CPA6: variants seen among roughly 807,000 people sequenced by gnomAD.
The protein encoded by CPA6 is carboxypeptidase B.
A neutral mutation model predicts 63.3 loss-of-function variants in CPA6; 58 were observed. The ratio of observed to expected loss-of-function variants is 0.92; its 90% CI spans 0.74 to 1.14. The LOEUF is 1.14. Among genes scored for constraint, CPA6 ranks in the 50% most tolerant of loss-of-function variants. CPA6 has a pLI of 0.00. For synonymous variants in CPA6, 185 were observed against 179.0 expected, an observed-to-expected ratio of 1.03 and a Z score of -0.27; for missense variants, 565 against 526.6, an observed-to-expected ratio of 1.07 and a Z score of -0.71.
intron 1 of CPA6, among the ~76,000 whole-genome samples, chr8:67,634,816 T>C (rs1815430901): frequency 1.3e-5 from 2 of 151,626 alleles, no homozygotes; most frequent in South Asian, 2.1e-4. Flanking sequence ...CTGTGAGATA[T>C]CGTCTGGGAA....
rs571893992 is a variant in CPA6, at chr8:67,606,661, C to T, written c.192+17515G>A. Among the ~76,000 whole-genome samples, 4 of 152,292 alleles carry T rather than the reference C, an allele frequency of 2.6e-5. No homozygotes were observed. In the South Asian group the frequency reaches 8.3e-4, roughly 32 times the overall value. On this transcript the variant is annotated intron_variant, in intron 2 of 10. Coordinates refer to ENST00000297770, the MANE Select transcript of CPA6 (RefSeq NM_020361.5). Reference sequence around the variant, plus strand: ...CAGGTCATGATGACACCTGTCTCTGCGGGCATGACAAAGACTCCCTGCTTT... The same window carrying T: ...CAGGTCATGATGACACCTGTCTCTGTGGGCATGACAAAGACTCCCTGCTTT...
intron 8 of CPA6, among the ~76,000 whole-genome samples, chr8:67,470,680 T>G (rs2128958912): frequency 6.6e-6 from 1 of 152,314 alleles, no homozygotes; most frequent in East Asian, 1.9e-4. Flanking sequence ...AACCATTCTC[T>G]GCTGTATTTG....
At chr8:67,546,869 A>C (rs1812828105) in intron 2 of CPA6, among the ~76,000 whole-genome samples, 3 of 151,916 alleles carry the variant, frequency 2.0e-5, no homozygotes, top group Admixed American at 2.0e-4. Context: ...TCTGTTGCCC[A>C]GGCTAGAGTG....
chr8:67,664,099 T>C (rs1280018357), intron 1 of CPA6, among the ~76,000 whole-genome samples: 6 of 152,228 alleles, frequency 3.9e-5, no homozygotes, highest in African/African-American at 1.4e-4. Context: ...TTAAAGTTTA[T>C]AGACATTCAT....
chr8:67,587,599 G>C (rs1013928942), intron 2 of CPA6, among the ~76,000 whole-genome samples: 2 of 152,082 alleles, frequency 1.3e-5, no homozygotes, highest in Non-Finnish European at 2.9e-5. Context: ...GTGTTGGTCA[G>C]CAGGCCCAGG....
At chr8:67,622,488 G>A (rs1456653773) in intron 2 of CPA6, among the ~76,000 whole-genome samples, 1 of 152,132 alleles carries the variant, frequency 6.6e-6, no homozygotes, top group Non-Finnish European at 1.5e-5. Context: ...TTTGGGGATG[G>A]GTTCTTGCAT....
chr8:67,503,468 A>ATTT (rs869172205), intron 6 of CPA6, among the ~76,000 whole-genome samples: 109 of 126,032 alleles, frequency 8.6e-4, no homozygotes, highest in African/African-American at 3.0e-3. Flanking sequence ...AGCTAATTAA[A>ATTT]TTTTTTTTTT....
At chr8:67,660,597 C>T (rs1816087715) in intron 1 of CPA6, among the ~76,000 whole-genome samples, 1 of 148,986 alleles carries the variant, frequency 6.7e-6, no homozygotes, top group Non-Finnish European at 1.5e-5. Context: ...CCTTAGGCTC[C>T]CACAAGGCTA....
chr8:67,628,264 A>G (rs1815238970), intron 1 of CPA6, among the ~76,000 whole-genome samples: 1 of 151,952 alleles, frequency 6.6e-6, no homozygotes, highest in Non-Finnish European at 1.5e-5. Context: ...CACCTCCCAT[A>G]TTGATTGCCA....
intron 6 of CPA6, among the ~76,000 whole-genome samples, chr8:67,496,239 T>C (rs1308246238): frequency 6.6e-6 from 1 of 152,010 alleles, no homozygotes; most frequent in East Asian, 1.9e-4. Context: ...TAAATATTCC[T>C]CCTCAAATAG....
At chr8:67,472,919 A>C (rs1811095252) in intron 8 of CPA6, among the ~76,000 whole-genome samples, 1 of 152,226 alleles carries the variant, frequency 6.6e-6, no homozygotes, top group African/African-American at 2.4e-5. Context: ...ATACACACAA[A>C]ATGAGTCTCA....
intron 1 of CPA6, among the ~76,000 whole-genome samples, chr8:67,661,855 A>C (rs1415282791): frequency 6.6e-6 from 1 of 152,152 alleles, no homozygotes; most frequent in Non-Finnish European, 1.5e-5. Flanking sequence ...AAGTGGAATC[A>C]TATAATCTTT....
chr8:67,592,789 G>T (rs1316893514), intron 2 of CPA6, among the ~76,000 whole-genome samples: 3 of 151,868 alleles, frequency 2.0e-5, no homozygotes, highest in Non-Finnish European at 2.9e-5. Flanking sequence ...TTCTTTATTA[G>T]TCTTGCTAGT....
intron 1 of CPA6, chr8:67,735,090 A>G (rs894677577): frequency 1.3e-5 from 2 of 152,216 alleles, no homozygotes; most frequent in Non-Finnish European, 2.9e-5. Flanking sequence ...TGTTAAGAAA[A>G]CAAAGGTAGA....
Position 67,718,316 on chromosome 8 carries a change from G to A in CPA6, c.116+27698C>T, listed in dbSNP as rs539620111. Among the ~76,000 whole-genome samples the A allele has an allele frequency of 2.0e-5, 3 of 151,998 alleles. No homozygotes were observed. In the South Asian group the frequency reaches 6.3e-4, roughly 32 times the overall value. ...TTTTAATGTTTTAAAAGCCAATTTG[G>A]GTTAAGAAAATTATAGCCAGAGAAA... On this transcript the variant is annotated intron_variant, in intron 1 of 10. Transcript: ENST00000297770.
chr8:67,474,388 AT>A (rs1310275638), intron 8 of CPA6, among the ~76,000 whole-genome samples: 1 of 151,800 alleles, frequency 6.6e-6, no homozygotes, highest in Admixed American at 6.6e-5. Flanking sequence ...AGCCCGGCTA[AT>A]TTTTTGTATT....
chr8:67,676,470 T>G (rs1816476702), intron 1 of CPA6, among the ~76,000 whole-genome samples: 3 of 152,248 alleles, frequency 2.0e-5, no homozygotes, highest in Admixed American at 2.0e-4. Flanking sequence ...AAGCTGATGA[T>G]AGTAACTCTG....
chr8:67,476,214 G>T (rs1811233370), intron 8 of CPA6, among the ~76,000 whole-genome samples: 1 of 151,822 alleles, frequency 6.6e-6, no homozygotes, highest in Non-Finnish European at 1.5e-5. Context: ...TGTTGGCCAG[G>T]CTGGTCTCAA....
At chr8:67,593,101 T>C (rs1814182185) in intron 2 of CPA6, among the ~76,000 whole-genome samples, 1 of 147,500 alleles carries the variant, frequency 6.8e-6, no homozygotes. Context: ...TTCTCGTTGG[T>C]TTCAAAGAAC....
Sources: gnomAD v4.1 joint callset for allele counts (sites outside exome capture counted in the v4.1 genomes callset) on GRCh38, gnomAD v4.1.1 for gene constraint, MANE v1.5 for transcripts, NCBI Gene and HGNC (gene_info 2026-07-23, HGNC 2026-07-21) for gene names.